ROBO1: variants seen among roughly 807,000 people sequenced by gnomAD.
The protein encoded by ROBO1 is roundabout guidance receptor 1, also known as roundabout homolog 1.
ROBO1 carries 149 observed loss-of-function variants against 195.9 expected under a neutral mutation model. That is an observed-to-expected ratio of 0.76 (90% CI 0.67 to 0.87). The LOEUF (loss-of-function observed/expected upper bound fraction) is 0.87. Ranked by LOEUF, ROBO1 falls within the 40% of genes least tolerant of loss-of-function variation. The pLI, the probability that ROBO1 is intolerant of heterozygous loss-of-function variation, is 0.00. For missense variants in ROBO1, 1,933 were observed against 2,068.3 expected (o/e 0.93, Z 1.27); for synonymous variants, 816 against 733.2 (o/e 1.11, Z -1.82).
In ROBO1 at chr3:78,688,681, T is replaced by C. The variant is rs773652920; in HGVS notation, c.1137A>G (p.Gln379=). 3 of 1,607,176 alleles carry C rather than the reference T, an allele frequency of 1.9e-6. No individual in the cohort carries two copies. Among genetic ancestry groups the C allele is most frequent in the East Asian group, 2.2e-5 (1 of 44,686 alleles). The change falls in exon 9 of 31, where the codon CAA becomes CAG. Residue 379 remains glutamine (Q), a synonymous_variant. Coordinates refer to ENST00000464233, the MANE Select transcript of ROBO1 (RefSeq NM_002941.4). ...CTTCTCTCCTCCAGAAAATAGCTGG[T>C]TGAGGATTTCCGGTTGCTTCACACT... is the stretch of plus-strand genomic sequence containing the variant. ...TFQCEATGNP[Q]PAIFWRREGS...
intron 26 of ROBO1, among the ~76,000 whole-genome samples, chr3:78,623,162 G>T (rs1351210362): frequency 6.6e-6 from 1 of 152,174 alleles, no homozygotes; most frequent in African/African-American, 2.4e-5. Context: ...GTCTAGTGGA[G>T]GAGACAAATA....
intron 4 of ROBO1, among the ~76,000 whole-genome samples, chr3:78,815,996 A>C (rs1298680324): frequency 6.6e-6 from 1 of 152,172 alleles, no homozygotes; most frequent in Non-Finnish European, 1.5e-5. Context: ...GGCTACAGTA[A>C]GCAACAAATT....
intron 16 of ROBO1, 121 bp downstream of exon 16, chr3:78,660,909 T>TAGCAAAAAAACAAATACTGTTAG: frequency 1.4e-6 from 1 of 728,988 alleles, no homozygotes; most frequent in Non-Finnish European, 2.2e-6. Flanking sequence ...AAATGTATGT[T>TAGCAAAAAAACAAATACTGTTAG]CAATATCAAG....
At chr3:79,177,424 A>T (rs995258162) in intron 2 of ROBO1, among the ~76,000 whole-genome samples, 2 of 152,126 alleles carry the variant, frequency 1.3e-5, no homozygotes, top group African/African-American at 4.8e-5. Flanking sequence ...CCTCCCTACA[A>T]GGTCAAGGGG....
chr3:79,405,367 G>A (rs1448310366), intron 2 of ROBO1, among the ~76,000 whole-genome samples: 1 of 152,156 alleles, frequency 6.6e-6, no homozygotes, highest in Non-Finnish European at 1.5e-5. Flanking sequence ...ACAATTGTAT[G>A]TTATGACATG....
intron 2 of ROBO1, among the ~76,000 whole-genome samples, chr3:79,348,789 C>T (rs1233080991): frequency 2.0e-5 from 3 of 152,064 alleles, no homozygotes; most frequent in African/African-American, 7.3e-5. Flanking sequence ...TATGCATAGG[C>T]AAAGGTAATG....
At chr3:78,633,802 C>T (rs1010503133) in intron 24 of ROBO1, 133 bp downstream of exon 24, 1 of 498,046 alleles carries the variant, frequency 2.0e-6, no homozygotes, top group South Asian at 4.2e-5. Context: ...AGACAAGACA[C>T]ATGCCTGAGA....
chr3:79,654,381 A>T (rs768159581), intron 1 of ROBO1, among the ~76,000 whole-genome samples: 22 of 152,008 alleles, frequency 1.4e-4, no homozygotes, highest in Admixed American at 8.5e-4. Context: ...ATTTAAAACC[A>T]GAGGCAAATA....
chr3:79,189,428 A>G (rs763413293), intron 2 of ROBO1, among the ~76,000 whole-genome samples: 3 of 151,818 alleles, frequency 2.0e-5, no homozygotes, highest in Non-Finnish European at 2.9e-5. Context: ...GAAAATTAGC[A>G]CTAAGTCCAT....
At chr3:79,505,006 T>C (rs1940311443) in intron 2 of ROBO1, among the ~76,000 whole-genome samples, 1 of 149,070 alleles carries the variant, frequency 6.7e-6, no homozygotes, top group Non-Finnish European at 1.5e-5. Context: ...AAATACTTTA[T>C]AGATGCTAAG....
chr3:78,660,998 T>A (rs776229187), intron 16 of ROBO1, 32 bp downstream of exon 16: 1 of 1,432,588 alleles, frequency 7.0e-7, no homozygotes, highest in South Asian at 1.2e-5. Flanking sequence ...TATACTGCAA[T>A]GCATGGAAAT....
In ROBO1 at chr3:79,464,710, A is replaced by G. The variant is rs184931880; in HGVS notation, c.88+125114T>C. On this transcript the variant is annotated intron_variant, in intron 2 of 30. Coordinates refer to ENST00000464233, the MANE Select transcript of ROBO1 (RefSeq NM_002941.4). ...TTTCATCTTTTATTTTCTTGATGAT[A>G]TCCATTATTACACAAATTTTATAAT... Among the ~76,000 whole-genome samples the G allele has an allele frequency of 4.0e-3, 607 of 152,274 alleles. 5 individuals are homozygous for G. Among genetic ancestry groups the G allele is most frequent in the African/African-American group, 0.014 (568 of 41,548 alleles).
chr3:78,776,940 G>A (rs1176265616), intron 4 of ROBO1, among the ~76,000 whole-genome samples: 1 of 152,140 alleles, frequency 6.6e-6, no homozygotes, highest in African/African-American at 2.4e-5. Context: ...AAGGTGCCCA[G>A]TACACTGAGT....
chr3:78,706,869 C>A (rs2081564685), intron 8 of ROBO1, among the ~76,000 whole-genome samples: 1 of 152,082 alleles, frequency 6.6e-6, no homozygotes, highest in Admixed American at 6.6e-5. Flanking sequence ...AAAATGGGAA[C>A]ATGAAGGATA....
chr3:79,561,816 G>A (rs2107712688), intron 2 of ROBO1, among the ~76,000 whole-genome samples: 1 of 152,162 alleles, frequency 6.6e-6, no homozygotes, highest in African/African-American at 2.4e-5. Flanking sequence ...CTGCACTGTG[G>A]ACGCATAATA....
chr3:78,755,741 A>C (rs1038782597), intron 4 of ROBO1, among the ~76,000 whole-genome samples: 3 of 152,230 alleles, frequency 2.0e-5, no homozygotes, highest in Non-Finnish European at 4.4e-5. Flanking sequence ...GAATAGGTAG[A>C]CAATATATAA....
intron 4 of ROBO1, among the ~76,000 whole-genome samples, chr3:78,925,074 T>G (rs1560006634): frequency 6.6e-6 from 1 of 152,212 alleles, no homozygotes; most frequent in South Asian, 2.1e-4. Context: ...ACATGTTAGG[T>G]TATTAAAGTA....
intron 9 of ROBO1, among the ~76,000 whole-genome samples, chr3:78,686,570 A>C (rs2081057895): frequency 6.8e-6 from 1 of 147,298 alleles, no homozygotes; most frequent in African/African-American, 2.5e-5. Context: ...AAAAAAAAAA[A>C]ATTAACTATC....
chr3:78,611,050 G>C (rs1482365836), intron 28 of ROBO1, among the ~76,000 whole-genome samples: 1 of 152,090 alleles, frequency 6.6e-6, no homozygotes, highest in Non-Finnish European at 1.5e-5. Context: ...TATGTGTGTA[G>C]ACTTCATGTA....
Sources: gnomAD v4.1 joint callset for allele counts (sites outside exome capture counted in the v4.1 genomes callset) on GRCh38, gnomAD v4.1.1 for gene constraint, MANE v1.5 for transcripts, NCBI Gene and HGNC (gene_info 2026-07-23, HGNC 2026-07-21) for gene names.